ADCY8: variants seen among roughly 807,000 people sequenced by gnomAD.
ADCY8 encodes the protein adenylate cyclase type 8.
ADCY8 carries 51 observed loss-of-function variants against 119.7 expected under a neutral mutation model. The observed-to-expected ratio is 0.43, with a 90% confidence interval of 0.34 to 0.54. The LOEUF is 0.54. ADCY8 is among the 20% of genes least tolerant of loss of function. ADCY8 has a pLI of 0.03. For missense variants in ADCY8, 1,383 were observed against 1,598.8 expected, an observed-to-expected ratio of 0.87 and a Z score of 2.30; for synonymous variants, 665 against 651.0, an observed-to-expected ratio of 1.02 and a Z score of -0.33.
intron 14 of ADCY8, among the ~76,000 whole-genome samples, chr8:130,805,906 C>A (rs567570134): frequency 6.6e-6 from 1 of 152,130 alleles, no homozygotes; most frequent in South Asian, 2.1e-4. Flanking sequence ...GGATACAAGA[C>A]AGATTGAGGT....
chr8:130,846,221 G>T (rs1248024596), intron 11 of ADCY8, among the ~76,000 whole-genome samples: 2 of 152,080 alleles, frequency 1.3e-5, no homozygotes, highest in Non-Finnish European at 2.9e-5. Context: ...GTATGGGGTT[G>T]GCTGGGGTCT....
At chr8:130,872,101 G>T (rs1022505851) in intron 8 of ADCY8, among the ~76,000 whole-genome samples, 2 of 152,028 alleles carry the variant, frequency 1.3e-5, no homozygotes, top group African/African-American at 4.8e-5. Context: ...ATACTTCTTC[G>T]GAGATCTTAG....
chr8:130,842,481 T>C (rs1259167756), intron 11 of ADCY8, among the ~76,000 whole-genome samples: 1 of 152,208 alleles, frequency 6.6e-6, no homozygotes, highest in Admixed American at 6.5e-5. Flanking sequence ...TTTTAATTTT[T>C]GTGTTTTATT....
In ADCY8 at chr8:130,959,217, A is replaced by G. The variant is rs181571671; in HGVS notation, c.1111-7219T>C. On this transcript the variant is annotated intron_variant, in intron 2 of 17. Transcript: ENST00000286355. Reference sequence around the variant, plus strand: ...ACATGCTCTCTATTTGAATAGATTTATGGAAGGTTTGAAACTGTCTTATGG... The same window carrying G: ...ACATGCTCTCTATTTGAATAGATTTGTGGAAGGTTTGAAACTGTCTTATGG... 7.2e-3 allele frequency among the ~76,000 whole-genome samples: 1,094 copies of G among 152,308 alleles called. 18 individuals carry two copies. The highest frequency in any genetic ancestry group is 0.024 in the African/African-American group (1,013 of 41,564).
At chr8:130,842,761 A>C (rs542194001) in intron 11 of ADCY8, among the ~76,000 whole-genome samples, 44 of 151,360 alleles carry the variant, frequency 2.9e-4, no homozygotes, top group Non-Finnish European at 4.9e-4. Flanking sequence ...AGTCCCAGCT[A>C]CTTGGGAGGT....
chr8:130,837,378 C>A (rs1277446650), intron 11 of ADCY8, among the ~76,000 whole-genome samples: 1 of 152,160 alleles, frequency 6.6e-6, no homozygotes, highest in African/African-American at 2.4e-5. Flanking sequence ...ATCCATATGC[C>A]TAGGGCTTAC....
At chr8:130,960,824 T>C (rs1402626602) in intron 2 of ADCY8, among the ~76,000 whole-genome samples, 1 of 152,146 alleles carries the variant, frequency 6.6e-6, no homozygotes, top group Admixed American at 6.5e-5. Flanking sequence ...GTGGTGATCA[T>C]ATATGATCAT....
intron 4 of ADCY8, among the ~76,000 whole-genome samples, chr8:130,939,312 A>G (rs1206928436): frequency 6.6e-6 from 1 of 152,202 alleles, no homozygotes; most frequent in Admixed American, 6.5e-5. Flanking sequence ...ATCATTTTTA[A>G]AATCTCATGC....
At chr8:131,033,605 A>G (rs1282427718) in intron 1 of ADCY8, among the ~76,000 whole-genome samples, 1 of 151,142 alleles carries the variant, frequency 6.6e-6, no homozygotes, top group African/African-American at 2.5e-5. Context: ...AGCACACACT[A>G]CACAATCATT....
intron 2 of ADCY8, among the ~76,000 whole-genome samples, chr8:130,976,015 A>G (rs1314967376): frequency 1.4e-5 from 2 of 138,148 alleles, no homozygotes; most frequent in African/African-American, 3.3e-5. Context: ...TTACTTCAGT[A>G]TGCTAAAAAA....
intron 3 of ADCY8, among the ~76,000 whole-genome samples, chr8:130,950,591 G>A (rs1206362274): frequency 1.3e-5 from 2 of 152,188 alleles, no homozygotes; most frequent in African/African-American, 2.4e-5. Flanking sequence ...GCTTGATTTT[G>A]CCTATGCCTT....
intron 17 of ADCY8, among the ~76,000 whole-genome samples, chr8:130,782,628 C>G (rs573940447): frequency 6.6e-6 from 1 of 152,244 alleles, no homozygotes; most frequent in African/African-American, 2.4e-5. Flanking sequence ...CTTTTTATTC[C>G]TGGTTCAATT....
At chr8:131,021,394 AG>A (rs1823662602) in intron 1 of ADCY8, among the ~76,000 whole-genome samples, 1 of 152,114 alleles carries the variant, frequency 6.6e-6, no homozygotes, top group Non-Finnish European at 1.5e-5. Flanking sequence ...TAAAGGATGT[AG>A]GGTGGGTGAA....
intron 2 of ADCY8, among the ~76,000 whole-genome samples, chr8:130,984,261 G>T (rs1337828437): frequency 2.0e-5 from 3 of 152,204 alleles, no homozygotes; most frequent in Non-Finnish European, 4.4e-5. Flanking sequence ...TCCCTGTGGG[G>T]TAGACTGCCT....
chr8:131,030,276 C>T lies in ADCY8; in HGVS notation c.960+9098G>A, dbSNP rs560831285. On this transcript the variant is annotated intron_variant, in intron 1 of 17. Transcript: ENST00000286355. ...TCCCTCCTGTCATGTCTCCAGGTCA[C>T]CAGCCTTGTGACAAATTCAGTTTGT... 2.6e-5 allele frequency among the ~76,000 whole-genome samples: 4 copies of T among 152,228 alleles called. No homozygotes were observed. In the South Asian group the frequency reaches 8.3e-4, roughly 32 times the overall value.
intron 8 of ADCY8, among the ~76,000 whole-genome samples, chr8:130,880,210 T>C (rs948110567): frequency 6.6e-6 from 1 of 152,236 alleles, no homozygotes; most frequent in East Asian, 1.9e-4. Flanking sequence ...AGCATGAAAA[T>C]GGACTAATAC....
intron 11 of ADCY8, 75 bp downstream of exon 11, chr8:130,847,349 C>T: frequency 9.1e-7 from 1 of 1,100,156 alleles, no homozygotes; most frequent in Non-Finnish European, 1.4e-6. Flanking sequence ...GCCCTTCAGC[C>T]AGTCTTGTTT....
intron 4 of ADCY8, among the ~76,000 whole-genome samples, chr8:130,938,672 A>T (rs1820865940): frequency 6.6e-6 from 1 of 152,210 alleles, no homozygotes; most frequent in South Asian, 2.1e-4. Context: ...TGGATAAGTA[A>T]ATATACTATC....
chr8:130,960,647 A>G (rs543877919), intron 2 of ADCY8, among the ~76,000 whole-genome samples: 1 of 152,216 alleles, frequency 6.6e-6, no homozygotes, highest in Non-Finnish European at 1.5e-5. Context: ...TCTTGCAATA[A>G]AAACAGAGCA....
Sources: allele counts gnomAD v4.1 joint callset (sites outside exome capture counted in the v4.1 genomes callset), GRCh38; gene constraint gnomAD v4.1.1; transcripts MANE v1.5; gene names NCBI Gene and HGNC (gene_info 2026-07-23, HGNC 2026-07-21).